The following RIMS1 variants were observed in gnomAD, a reference collection of about 807,000 sequenced individuals.
RIMS1 encodes the protein regulating synaptic membrane exocytosis 1.
In RIMS1, 83 loss-of-function variants were observed where a neutral mutation model predicts 214.1. The ratio of observed to expected loss-of-function variants is 0.39; its 90% CI spans 0.32 to 0.47. RIMS1 has a LOEUF of 0.47. RIMS1 is among the 20% of genes least tolerant of loss of function. The pLI is 0.99. For synonymous variants in RIMS1, 793 were observed against 786.8 expected (o/e 1.01, Z -0.13); for missense variants, 2,050 against 2,161.8 (o/e 0.95, Z 1.03).
chr6:72,193,511 T>C (rs558820573), intron 6 of RIMS1, among the ~76,000 whole-genome samples: 1 of 152,348 alleles, frequency 6.6e-6, no homozygotes, highest in Non-Finnish European at 1.5e-5. Context: ...GATTTGCTTA[T>C]TTCAAACTTA....
At chr6:72,280,862 T>C (rs900768254) in intron 23 of RIMS1, among the ~76,000 whole-genome samples, 2 of 152,082 alleles carry the variant, frequency 1.3e-5, no homozygotes, top group African/African-American at 4.8e-5. Context: ...TTCCAAGTAA[T>C]GCAAAAAACA....
chr6:71,920,874 C>A (rs1779765550), intron 1 of RIMS1, among the ~76,000 whole-genome samples: 1 of 152,198 alleles, frequency 6.6e-6, no homozygotes, highest in South Asian at 2.1e-4. Context: ...ATTAAACAAA[C>A]CAACAAATAA....
In RIMS1 at chr6:72,121,612, A is replaced by G. The variant is rs746271306; in HGVS notation, c.471+21626A>G. ...GTCATCTGCAAACAGGGGCAATTTG[A>G]CTTCCTCTTTTCCTAATTGAATACC... On this transcript the variant is annotated intron_variant, in intron 4 of 33. Coordinates refer to ENST00000521978, the MANE Select transcript of RIMS1 (RefSeq NM_014989.7). 4.3e-4 allele frequency among the ~76,000 whole-genome samples: 66 copies of G among 151,836 alleles called. 2 individuals carry two copies. The highest frequency in any genetic ancestry group is 7.7e-4 in the Non-Finnish European group (52 of 67,866).
chr6:71,999,198 A>G (rs1413201347), intron 2 of RIMS1, among the ~76,000 whole-genome samples: 3 of 152,128 alleles, frequency 2.0e-5, no homozygotes, highest in African/African-American at 7.2e-5. Flanking sequence ...AAGATAGACT[A>G]TCATACCAAA....
At position 72,008,984 on chromosome 6, in the gene RIMS1, C is replaced by T. The variant is rs369257833; in HGVS notation, c.245+39921C>T. On this transcript the variant is annotated intron_variant, in intron 2 of 33. Transcript: ENST00000521978. Reference sequence around the variant, plus strand: ...CTGCACCAAGCGGGCCTAAAAGACACCTACAGAACTCTCCACCCCAAATCA... The same window carrying T: ...CTGCACCAAGCGGGCCTAAAAGACATCTACAGAACTCTCCACCCCAAATCA... 1.2e-4 allele frequency among the ~76,000 whole-genome samples: 19 copies of T among 152,246 alleles called. No individual in the cohort carries two copies. The East Asian group carries it at 3.1e-3, about 25-fold the overall frequency.
chr6:72,034,505 T>C (rs764542935), intron 2 of RIMS1, among the ~76,000 whole-genome samples: 3 of 152,102 alleles, frequency 2.0e-5, no homozygotes, highest in Non-Finnish European at 4.4e-5. Flanking sequence ...TCAGGAATTA[T>C]GTTTTCCTGG....
At chr6:72,087,651 C>T (rs770820251) in intron 2 of RIMS1, among the ~76,000 whole-genome samples, 2 of 152,154 alleles carry the variant, frequency 1.3e-5, no homozygotes, top group African/African-American at 2.4e-5. Context: ...ATGACATTTG[C>T]TTTTGACTGG....
intron 2 of RIMS1, among the ~76,000 whole-genome samples, chr6:72,053,886 C>T (rs189942019): frequency 4.6e-5 from 7 of 152,234 alleles, no homozygotes; most frequent in African/African-American, 1.4e-4. Context: ...AACCAGTCCC[C>T]AAATTTCATT....
intron 23 of RIMS1, among the ~76,000 whole-genome samples, chr6:72,275,814 G>T (rs1563413426): frequency 6.6e-6 from 1 of 152,044 alleles, no homozygotes; most frequent in Non-Finnish European, 1.5e-5. Flanking sequence ...AAAACTTATT[G>T]TACCCCTACT....
chr6:72,343,312 A>G (rs2097155806), intron 29 of RIMS1, among the ~76,000 whole-genome samples: 1 of 151,674 alleles, frequency 6.6e-6, no homozygotes, highest in Non-Finnish European at 1.5e-5. Flanking sequence ...AGCCCATTTA[A>G]TGATTCACCT....
intron 2 of RIMS1, among the ~76,000 whole-genome samples, chr6:72,047,669 C>A (rs1386032108): frequency 6.6e-6 from 1 of 151,966 alleles, no homozygotes; most frequent in Non-Finnish European, 1.5e-5. Flanking sequence ...AGAGGACATA[C>A]AAATAATCTA....
At chr6:72,003,133 AG>A (rs975044210) in intron 2 of RIMS1, among the ~76,000 whole-genome samples, 5 of 152,110 alleles carry the variant, frequency 3.3e-5, no homozygotes, top group African/African-American at 1.2e-4. Flanking sequence ...AATAACACTT[AG>A]GGTGATTATG....
intron 33 of RIMS1, among the ~76,000 whole-genome samples, chr6:72,399,697 G>A (rs1261764093): frequency 2.0e-5 from 3 of 152,082 alleles, no homozygotes; most frequent in Non-Finnish European, 4.4e-5. Flanking sequence ...GATTCAAGAG[G>A]TAAAGTAATT....
At chr6:72,279,947 A>G (rs1249889844) in intron 23 of RIMS1, among the ~76,000 whole-genome samples, 3 of 152,000 alleles carry the variant, frequency 2.0e-5, no homozygotes, top group Admixed American at 1.3e-4. Context: ...GCCCTGGATA[A>G]TGACTGACAG....
At chr6:71,995,399 T>C (rs1281434781) in intron 2 of RIMS1, among the ~76,000 whole-genome samples, 1 of 151,932 alleles carries the variant, frequency 6.6e-6, no homozygotes, top group Non-Finnish European at 1.5e-5. Flanking sequence ...CAGTATGAAC[T>C]GAGGCAAGCT....
chr6:72,376,663 C>G (rs1483783091), intron 29 of RIMS1, among the ~76,000 whole-genome samples: 2 of 151,514 alleles, frequency 1.3e-5, no homozygotes, highest in Non-Finnish European at 2.9e-5. Flanking sequence ...GGAAGGATGA[C>G]TAGAGCCCAG....
At chr6:72,132,794 G>T (rs901313405) in intron 4 of RIMS1, among the ~76,000 whole-genome samples, 1 of 152,066 alleles carries the variant, frequency 6.6e-6, no homozygotes, top group African/African-American at 2.4e-5. Flanking sequence ...CATAGAATGT[G>T]GTTTAGTAAT....
At chr6:71,955,630 T>C (rs1561963459) in intron 1 of RIMS1, among the ~76,000 whole-genome samples, 1 of 152,194 alleles carries the variant, frequency 6.6e-6, no homozygotes, top group Non-Finnish European at 1.5e-5. Context: ...TACATATATG[T>C]AATGTATATG....
At chr6:72,120,159 G>T (rs1015707771) in intron 4 of RIMS1, among the ~76,000 whole-genome samples, 3 of 151,796 alleles carry the variant, frequency 2.0e-5, no homozygotes, top group Non-Finnish European at 4.4e-5. Context: ...AATCCTTTGG[G>T]TATATACCCA....
Sources: gnomAD v4.1 joint callset for allele counts (sites outside exome capture counted in the v4.1 genomes callset) on GRCh38, gnomAD v4.1.1 for gene constraint, MANE v1.5 for transcripts, NCBI Gene and HGNC (gene_info 2026-07-23, HGNC 2026-07-21) for gene names.